Variants in ZNF7 observed in about 807,000 individuals in gnomAD.
The protein encoded by ZNF7 is C2-H2 type zinc finger protein.
Under a neutral mutation model 12.0 loss-of-function variants are expected in ZNF7, and 10 were observed. The ratio of observed to expected loss-of-function variants is 0.83; its 90% CI spans 0.51 to 1.42. The LOEUF (loss-of-function observed/expected upper bound fraction) is 1.42. Among genes scored for constraint, ZNF7 ranks in the 40% most tolerant of loss-of-function variants. ZNF7 has a pLI of 0.00. For missense variants in ZNF7, 854 were observed against 837.2 expected, an observed-to-expected ratio of 1.02 and a Z score of -0.25; for synonymous variants, 334 against 295.0, an observed-to-expected ratio of 1.13 and a Z score of -1.35.
chr8:144,842,497 A>T lies in ZNF7; in HGVS notation c.1390A>T (p.Thr464Ser). The T allele has an allele frequency of 1.9e-6, 3 of 1,614,122 alleles. No individual in the cohort carries two copies. Among genetic ancestry groups the T allele is most frequent in the Non-Finnish European group, 2.5e-6 (3 of 1,180,008 alleles). Residue 464 changes from threonine to serine, a missense_variant, in exon 5 of 5, where the codon ACT becomes TCT. Transcript: ENST00000532777. The stretch of plus-strand genomic sequence containing the variant: ...GCTTATTCGCCATCAGAGAACTCAC[A>T]CTGGAGAAAAACCATTTAAATGTGA... ...SRLIRHQRTHTGEKPFKCDEC... is the reference protein window; with the variant it reads ...SRLIRHQRTHSGEKPFKCDEC...
chr8:144,845,179 A>G (rs548719426), downstream of ZNF7, among the ~76,000 whole-genome samples: 3 of 152,328 alleles, frequency 2.0e-5, no homozygotes, highest in East Asian at 3.9e-4. Context: ...CATTCTTTGT[A>G]GAAGCTCACG....
At chr8:144,833,079 T>C (rs1014445687) in intron 3 of ZNF7, among the ~76,000 whole-genome samples, 1 of 151,204 alleles carries the variant, frequency 6.6e-6, no homozygotes, top group African/African-American at 2.4e-5. Flanking sequence ...ACGCCTGTAA[T>C]CCCAGCTACT....
At position 144,831,120 on chromosome 8, in the gene ZNF7, C is replaced by G. The variant is rs1289429073; in HGVS notation, c.130+1516C>G. On this transcript the variant is annotated intron_variant, in intron 3 of 4. Transcript: ENST00000532777. ...AGCAGCTCCATCTGCTGTGCCTGTCCTCCTCTCTCAGGCCCTGTGTGTACA... is the reference window on the plus strand; with the variant it reads ...AGCAGCTCCATCTGCTGTGCCTGTCGTCCTCTCTCAGGCCCTGTGTGTACA... The G allele has an allele frequency of 1.1e-5, 5 of 440,504 alleles. 1 individual carries two copies. In the Admixed American group the frequency reaches 1.2e-4, roughly 11 times the overall value. The allele number at this position is 440,504 out of a possible 1,614,324, so 27.3% of individuals were successfully genotyped here.
In ZNF7 at chr8:144,842,297, G is replaced by A; in HGVS notation, c.1190G>A (p.Ser397Asn). The change falls in exon 5 of 5, where the codon AGT (serine) becomes AAT (asparagine). Residue 397 changes from serine to asparagine, a missense_variant. Ser to Asn is a conservative substitution (Grantham distance 46). Coordinates refer to ENST00000532777, the MANE Select transcript of ZNF7 (RefSeq NM_003416.4). Reference protein sequence around the residue: ...EKAQILKASDSPSLVAHQRIH... With the variant: ...EKAQILKASDNPSLVAHQRIH... ...GCTCAAATTCTAAAAGCCTCAGACA[G>A]TCCAAGCCTTGTTGCACATCAGAGA... 2 of 1,614,030 alleles carry A rather than the reference G, an allele frequency of 1.2e-6. No individual in the cohort carries two copies. The highest frequency in any genetic ancestry group is 1.7e-6 in the Non-Finnish European group (2 of 1,180,040).
intron 4 of ZNF7, among the ~76,000 whole-genome samples, chr8:144,839,400 C>G (rs1036999080): frequency 6.6e-6 from 1 of 152,246 alleles, no homozygotes; most frequent in Non-Finnish European, 1.5e-5. Context: ...CCTTTCTGCT[C>G]AGTCTCCCTG....
intron 2 of ZNF7, 175 bp from the exon 3 acceptor site, chr8:144,829,303 C>A (rs1735156): frequency 6.5e-7 from 1 of 1,537,308 alleles, no homozygotes; most frequent in African/African-American, 1.4e-5. Flanking sequence ...CCACCATGGA[C>A]TGGGTTCCTT....
chr8:144,841,066 A>T (rs553418065), intron 4 of ZNF7: 1 of 380,544 alleles, frequency 2.6e-6, no homozygotes, highest in African/African-American at 2.0e-5. Context: ...CTCTGCATGG[A>T]CTGTGCCCCA....
At position 144,829,080 on chromosome 8, in the gene ZNF7, T is replaced by C; in HGVS notation, c.-8T>C. On this transcript the variant is annotated 5_prime_UTR_variant, in exon 2 of 5. It removes the in-frame stop codon of an upstream open reading frame in the 5' UTR. Transcript: ENST00000532777. ...GAACACGTGGATGCCCACCCACCAC[T>C]GAGCCTCATGGTAGGAAGCTTGACT... The C allele has an allele frequency of 1.2e-6, 2 of 1,614,086 alleles. No individual in the cohort carries two copies. Among genetic ancestry groups the C allele is most frequent in the Non-Finnish European group, 1.7e-6 (2 of 1,179,986 alleles).
At chr8:144,830,145 T>C (rs184136031) in intron 3 of ZNF7, among the ~76,000 whole-genome samples, 161 of 152,318 alleles carry the variant, frequency 1.1e-3, no homozygotes, top group African/African-American at 3.6e-3. Context: ...GCGTCTTAAC[T>C]TGGGCCTTGC....
In ZNF7 at chr8:144,829,622, G is replaced by T. The variant is rs767106814; in HGVS notation, c.130+18G>T. 6.3e-7 allele frequency: 1 copy of T among 1,593,756 alleles called. No homozygotes were observed. Among genetic ancestry groups the T allele is most frequent in the South Asian group, 1.1e-5 (1 of 89,652 alleles). On this transcript the variant is annotated intron_variant, in intron 3 of 4. Transcript: ENST00000532777. ...TGGACTAGGTGAGGCTGCACCTTGG[G>T]GCCCCTTCCCCTGCATCATCAGTCA...
downstream of ZNF7, among the ~76,000 whole-genome samples, chr8:144,844,540 G>A (rs200946370): frequency 6.6e-6 from 1 of 151,186 alleles, no homozygotes; most frequent in Admixed American, 6.6e-5. Flanking sequence ...GAAACCCCGT[G>A]TCTACTAAAA....
Position 144,842,801 on chromosome 8 carries a change from A to G in ZNF7, c.1694A>G (p.Asn565Ser). 1 of 1,614,086 alleles carries G rather than the reference A, an allele frequency of 6.2e-7. No individual in the cohort carries two copies. The highest frequency in any genetic ancestry group is 8.5e-7 in the Non-Finnish European group (1 of 1,180,028). Residue 565 changes from asparagine (N) to serine (S), a missense_variant, in exon 5 of 5, where the codon AAC becomes AGC. Transcript: ENST00000532777. ...CNECGKAFSQ[N>S]STLFQHQIIH... is the part of the protein sequence containing the mutation. ...GAATGTGGGAAAGCCTTCAGTCAAA[A>G]CTCAACCCTTTTCCAACACCAGATA... is the stretch of plus-strand genomic sequence containing the variant.
At chr8:144,829,124 G>A (rs369651439) in intron 2 of ZNF7, 34 bp downstream of exon 2, 6 of 1,613,200 alleles carry the variant, frequency 3.7e-6, no homozygotes, top group Non-Finnish European at 5.1e-6. Flanking sequence ...CCCCTCGCAT[G>A]TCCTGTGAAG....
downstream of ZNF7, chr8:144,843,805 CTT>C (rs1830313626): frequency 6.6e-6 from 1 of 152,164 alleles, no homozygotes; most frequent in Non-Finnish European, 1.5e-5. Flanking sequence ...TACCTAAACT[CTT>C]TTCCCTTAAG....
chr8:144,839,759 A>T (rs1829614581), intron 4 of ZNF7, among the ~76,000 whole-genome samples: 1 of 152,190 alleles, frequency 6.6e-6, no homozygotes, highest in African/African-American at 2.4e-5. Context: ...ACTTGTCCCC[A>T]GCTGGTACAG....
At chr8:144,836,228 C>T (rs1464337077) in intron 3 of ZNF7, 2 of 152,164 alleles carry the variant, frequency 1.3e-5, no homozygotes, top group Non-Finnish European at 2.9e-5. Flanking sequence ...CACCTGTAGT[C>T]CTAGCTACTC....
intron 4 of ZNF7, among the ~76,000 whole-genome samples, chr8:144,839,821 G>A (rs1475976822): frequency 6.6e-6 from 1 of 152,242 alleles, no homozygotes; most frequent in African/African-American, 2.4e-5. Context: ...GGAGCGGCCA[G>A]GTCCCAGCTG....
chr8:144,840,067 C>T (rs1735167), intron 4 of ZNF7, among the ~76,000 whole-genome samples: 57,800 of 152,120 alleles, frequency 0.38, 11,050 homozygotes, highest in South Asian at 0.5. Context: ...CCCAAGTAGC[C>T]GGGATTACAG....
intron 3 of ZNF7, among the ~76,000 whole-genome samples, chr8:144,830,668 C>T (rs945219315): frequency 2.0e-5 from 3 of 151,190 alleles, no homozygotes; most frequent in Non-Finnish European, 4.4e-5. Flanking sequence ...CTCTTAGACT[C>T]ATTTAGATGT....
Sources: allele counts gnomAD v4.1 joint callset (sites outside exome capture counted in the v4.1 genomes callset), GRCh38; gene constraint gnomAD v4.1.1; transcripts MANE v1.5; gene names NCBI Gene and HGNC (gene_info 2026-07-23, HGNC 2026-07-21).